The following GABBR2 variants were observed in gnomAD, a reference collection of about 807,000 sequenced individuals.
GABBR2 encodes the protein G-protein coupled receptor 51.
In GABBR2, 23 loss-of-function variants were observed where a neutral mutation model predicts 105.6. That is an observed-to-expected ratio of 0.22 (90% CI 0.16 to 0.31). The LOEUF (loss-of-function observed/expected upper bound fraction) is 0.31. GABBR2 is among the 10% of genes least tolerant of loss of function. The probability of loss-of-function intolerance (pLI) is 1.00; values close to 1 mark genes in which losing one functional copy is unlikely to be tolerated. For synonymous variants in GABBR2, 478 were observed against 499.7 expected, an observed-to-expected ratio of 0.96 and a Z score of 0.58; for missense variants, 734 against 1,245.5, an observed-to-expected ratio of 0.59 and a Z score of 6.18.
At chr9:98,602,134 G>A (rs1289958817) in intron 1 of GABBR2, among the ~76,000 whole-genome samples, 1 of 151,664 alleles carries the variant, frequency 6.6e-6, no homozygotes, top group East Asian at 1.9e-4. Context: ...CTGAGTAGCT[G>A]GGACCACAGG....
At chr9:98,456,653 T>C (rs1304096337) in intron 6 of GABBR2, among the ~76,000 whole-genome samples, 1 of 152,200 alleles carries the variant, frequency 6.6e-6, no homozygotes, top group Admixed American at 6.5e-5. Context: ...ATTCACACAT[T>C]GTAGAGCAAA....
chr9:98,651,350 G>C (rs1034309816), intron 1 of GABBR2, among the ~76,000 whole-genome samples: 1 of 151,990 alleles, frequency 6.6e-6, no homozygotes, highest in East Asian at 1.9e-4. Context: ...CACCATGTTG[G>C]CCAGGCTGGT....
intron 1 of GABBR2, among the ~76,000 whole-genome samples, chr9:98,698,688 CG>C: frequency 6.6e-6 from 1 of 152,070 alleles, no homozygotes; most frequent in Middle Eastern, 3.4e-3. Context: ...TTAGTAGAGA[CG>C]GGGTTTCACC....
At chr9:98,364,804 T>C (rs138547478) in intron 12 of GABBR2, among the ~76,000 whole-genome samples, 109 of 152,306 alleles carry the variant, frequency 7.2e-4, no homozygotes, top group African/African-American at 2.6e-3. Context: ...TTTCACCATG[T>C]TGACCAGGCT....
intron 1 of GABBR2, among the ~76,000 whole-genome samples, chr9:98,578,394 T>C (rs1283431376): frequency 1.3e-5 from 2 of 151,966 alleles, no homozygotes; most frequent in Non-Finnish European, 2.9e-5. Flanking sequence ...TCATGGCCAT[T>C]TATATTTTAA....
intron 5 of GABBR2, among the ~76,000 whole-genome samples, chr9:98,477,083 C>T (rs768980551): frequency 6.6e-6 from 1 of 152,134 alleles, no homozygotes; most frequent in Non-Finnish European, 1.5e-5. Context: ...TTCTCTGTCT[C>T]CTCTGCCAGT....
At chr9:98,429,902 T>G (rs1273072719) in intron 7 of GABBR2, among the ~76,000 whole-genome samples, 1 of 152,216 alleles carries the variant, frequency 6.6e-6, no homozygotes, top group East Asian at 1.9e-4. Flanking sequence ...CCACACTGGC[T>G]TCCTTGTCAT....
At position 98,622,247 on chromosome 9, in the gene GABBR2, CT is replaced by C. The variant is rs376431236; in HGVS notation, c.322-44176del. On this transcript the variant is annotated intron_variant, in intron 1 of 18. Transcript: ENST00000259455. ...TGGTGTCATCACAGTTCATTGCAGT[CT>C]CAACCTCCCAGGCTAAATGGATCCT... 7.4e-3 allele frequency among the ~76,000 whole-genome samples: 1,127 copies of C among 152,236 alleles called. 17 individuals are homozygous for C. The highest frequency in any genetic ancestry group is 0.026 in the African/African-American group (1,069 of 41,532).
intron 1 of GABBR2, among the ~76,000 whole-genome samples, chr9:98,642,256 TCA>T (rs1726751259): frequency 6.6e-6 from 1 of 152,166 alleles, no homozygotes. Context: ...CTCTCCTTCC[TCA>T]GTCTCCTCGT....
At chr9:98,619,525 C>T (rs1011207564) in intron 1 of GABBR2, among the ~76,000 whole-genome samples, 2 of 152,150 alleles carry the variant, frequency 1.3e-5, no homozygotes, top group African/African-American at 4.8e-5. Flanking sequence ...CATCAAGAGA[C>T]TGATATTTCA....
In GABBR2 at chr9:98,306,371, A is replaced by G; in HGVS notation, c.2005-26T>C. 2 of 1,519,940 alleles carry G rather than the reference A, an allele frequency of 1.3e-6. No individual in the cohort carries two copies. The highest frequency in any genetic ancestry group is 1.8e-6 in the Non-Finnish European group (2 of 1,103,286). The allele number at this position is 1,519,940 out of a possible 1,614,324, so 94.2% of individuals were successfully genotyped here. A position where few individuals can be genotyped will look rare whatever the true frequency, so the allele number is the denominator to read the frequency against. On this transcript the variant is annotated intron_variant, in intron 14 of 18. Coordinates refer to ENST00000259455, the MANE Select transcript of GABBR2 (RefSeq NM_005458.8). This position sits in a 1 kb window ranked among gnomAD's most constrained non-coding sequence, Gnocchi z 5.4. ...CTGAAATGGTGAACAGAAAGGGGAG[A>G]GATGATCGTTACCAAGGGGTGGCAC...
In GABBR2 at chr9:98,479,562, G is replaced by A. The variant is rs187521901; in HGVS notation, c.798+1370C>T. 1.1e-4 allele frequency among the ~76,000 whole-genome samples: 16 copies of A among 152,294 alleles called. 1 individual carries two copies. In the East Asian group the frequency reaches 2.7e-3, roughly 26 times the overall value. On this transcript the variant is annotated intron_variant, in intron 5 of 18. Transcript: ENST00000259455. ...ATCAGAAGATGATCGGACAGTTCTC[G>A]TTTTGCTCCTGAGCCTTCAGGTTCA...
Position 98,371,601 on chromosome 9 carries a change from A to G in GABBR2, c.1663-30T>C, listed in dbSNP as rs745712159. The G allele has an allele frequency of 3.2e-6, 4 of 1,248,662 alleles. No individual in the cohort carries two copies. The South Asian group carries it at 4.8e-5, about 15-fold the overall frequency. The allele number at this position is 1,248,662 out of a possible 1,614,324, so 77.3% of individuals were successfully genotyped here. Reference sequence around the variant, plus strand: ...AGGCCATGAGAAAACAGAGGCATTGACCTTCCTTAGGTAGACAGACTTCAT... The same window carrying G: ...AGGCCATGAGAAAACAGAGGCATTGGCCTTCCTTAGGTAGACAGACTTCAT... On this transcript the variant is annotated intron_variant, in intron 11 of 18. Coordinates refer to ENST00000259455, the MANE Select transcript of GABBR2 (RefSeq NM_005458.8).
Position 98,496,478 on chromosome 9 carries a change from C to A in GABBR2, c.667G>T (p.Asp223Tyr), listed in dbSNP as rs879519199. The A allele has an allele frequency of 3.1e-6, 5 of 1,613,136 alleles. No homozygotes were observed. Among genetic ancestry groups the A allele is most frequent in the Non-Finnish European group, 3.4e-6 (4 of 1,179,450 alleles). ...NDLTGVLYGE[D>Y]IEISDTESFS... Reference sequence around the variant, plus strand: ...CTCTCGGTGTCTGAAATCTCAATGTCCTCGCCATACAGAACTCCAGTCAGG... The same window carrying A: ...CTCTCGGTGTCTGAAATCTCAATGTACTCGCCATACAGAACTCCAGTCAGG... Residue 223 changes from aspartate (D) to tyrosine (Y), a missense_variant, in exon 4 of 19, where the codon GAC becomes TAC. Physicochemically the swap from Asp to Tyr is radical, Grantham distance 160. Around this residue, in one of 7 missense-constraint regions of GABBR2, gnomAD observed 370 missense variants for 648.9 expected, o/e 0.57. Transcript: ENST00000259455.
intron 2 of GABBR2, among the ~76,000 whole-genome samples, chr9:98,550,049 T>G (rs1828460338): frequency 6.6e-6 from 1 of 152,222 alleles, no homozygotes; most frequent in Non-Finnish European, 1.5e-5. Context: ...GCTTTGACCT[T>G]CATCCTGGAG....
At chr9:98,574,641 C>T (rs55656513) in intron 2 of GABBR2, among the ~76,000 whole-genome samples, 31,857 of 152,176 alleles carry the variant, frequency 0.21, 4,268 homozygotes, top group East Asian at 0.5. Flanking sequence ...ATTTGTTACC[C>T]AGTGGTAAAT....
rs1830939915 is a variant in GABBR2, at chr9:98,708,788, C to A, written c.-51G>T. 2.1e-6 allele frequency: 2 copies of A among 968,100 alleles called. No individual in the cohort carries two copies. The highest frequency in any genetic ancestry group is 2.4e-6 in the Non-Finnish European group (2 of 816,766). 60.0% of individuals were successfully genotyped at this position (968,100 alleles called of 1,614,324 possible). On this transcript the variant is annotated 5_prime_UTR_variant, in exon 1 of 19. Coordinates refer to ENST00000259455, the MANE Select transcript of GABBR2 (RefSeq NM_005458.8). ...GCTCACTCGGCCCGCATGGCCTGGC[C>A]CGGCCCGCCGCCCCGCGCCAAGGTC...
chr9:98,673,811 G>A (rs139048161), intron 1 of GABBR2, among the ~76,000 whole-genome samples: 5 of 152,244 alleles, frequency 3.3e-5, no homozygotes, highest in African/African-American at 4.8e-5. Flanking sequence ...AGCACTGTTC[G>A]ACACACAAGC....
chr9:98,529,533 G>C (rs1386854864), intron 3 of GABBR2, among the ~76,000 whole-genome samples: 1 of 152,142 alleles, frequency 6.6e-6, no homozygotes, highest in Non-Finnish European at 1.5e-5. Flanking sequence ...TCAGTGGGTA[G>C]GTTATGGCCA....
Sources: gnomAD v4.1 joint callset for allele counts (sites outside exome capture counted in the v4.1 genomes callset) on GRCh38, gnomAD v4.1.1 for gene constraint, gnomAD v4.1.1 regional missense constraint, Gnocchi (gnomAD v3.1) non-coding constraint, MANE v1.5 for transcripts, NCBI Gene and HGNC (gene_info 2026-07-23, HGNC 2026-07-21) for gene names.